IL4I1: variants seen among roughly 807,000 people sequenced by gnomAD.
IL4I1 encodes L-amino-acid oxidase.
IL4I1 carries 24 observed loss-of-function variants against 29.7 expected under a neutral mutation model. That is an observed-to-expected ratio of 0.81 (90% CI 0.59 to 1.14). IL4I1 has a LOEUF of 1.14. IL4I1 is among the 50% of genes most tolerant of loss of function. IL4I1 has a pLI of 0.00. For missense variants in IL4I1, 686 were observed against 785.6 expected (o/e 0.87, Z 1.52); for synonymous variants, 371 against 352.5 (o/e 1.05, Z -0.59).
At chr19:49,908,041 G>T in intron 2 of IL4I1, 1 of 1,206,604 alleles carries the variant, frequency 8.3e-7, no homozygotes, top group Non-Finnish European at 1.1e-6. Context: ...CACCCATGAG[G>T]CTGCTGCCTG....
At chr19:49,891,289 G>A (rs2075135234) in intron 6 of IL4I1, 116 bp downstream of exon 6, 1 of 1,416,406 alleles carries the variant, frequency 7.1e-7, no homozygotes, top group Non-Finnish European at 9.9e-7. Context: ...CCCGGGTCAG[G>A]CAGGAAGGCG....
intron 5 of IL4I1, among the ~76,000 whole-genome samples, chr19:49,893,458 C>T (rs1428363122): frequency 2.0e-5 from 3 of 151,758 alleles, no homozygotes; most frequent in African/African-American, 7.3e-5. Context: ...GTGGGGCCAT[C>T]GTGAGATGGG....
At chr19:49,900,750 A>G (rs898599369), upstream of IL4I1, among the ~76,000 whole-genome samples, 1 of 152,204 alleles carries the variant, frequency 6.6e-6, no homozygotes, top group African/African-American at 2.4e-5. Flanking sequence ...GGCCCAGTCA[A>G]GTATCTGTTG....
intron 2 of IL4I1, among the ~76,000 whole-genome samples, chr19:49,923,444 T>G (rs2075811608): frequency 6.6e-6 from 1 of 152,222 alleles, no homozygotes; most frequent in African/African-American, 2.4e-5. Context: ...AGGAGGGCCC[T>G]GACTTTGCCC....
intron 2 of IL4I1, chr19:49,908,672 A>G (rs2075378250): frequency 1.2e-6 from 2 of 1,612,088 alleles, no homozygotes; most frequent in Non-Finnish European, 1.7e-6. Context: ...CACCTTCTCC[A>G]CCTCGCGGTG....
intron 2 of IL4I1, among the ~76,000 whole-genome samples, chr19:49,923,456 C>T (rs969400355): frequency 6.6e-6 from 1 of 152,158 alleles, no homozygotes; most frequent in East Asian, 1.9e-4. Context: ...ACTTTGCCCT[C>T]GAAGCGTTCG....
chr19:49,909,377 G>A, intron 2 of IL4I1: 2 of 1,613,516 alleles, frequency 1.2e-6, no homozygotes, highest in Non-Finnish European at 1.7e-6. Flanking sequence ...GGTGGTGGAG[G>A]GGCCAAACAC....
intron 1 of IL4I1, chr19:49,928,477 A>AGC (rs1348963149): frequency 6.6e-6 from 1 of 150,808 alleles, no homozygotes; most frequent in East Asian, 2.0e-4. Context: ...AGATCGCGCC[A>AGC]CTGCACTCCA....
chr19:49,909,155 C>T (rs548441756), intron 2 of IL4I1: 2 of 1,613,270 alleles, frequency 1.2e-6, no homozygotes, highest in Admixed American at 1.7e-5. Flanking sequence ...GAGGCTGGGC[C>T]CAGTGCTGGT....
chr19:49,924,440 G>C (rs1454679690), intron 2 of IL4I1, among the ~76,000 whole-genome samples: 1 of 152,176 alleles, frequency 6.6e-6, no homozygotes, highest in Non-Finnish European at 1.5e-5. Context: ...GGGGTCCCCA[G>C]AGAATCCCCG....
intron 3 of IL4I1, among the ~76,000 whole-genome samples, chr19:49,903,539 G>C (rs2075288674): frequency 6.6e-6 from 1 of 152,182 alleles, no homozygotes; most frequent in African/African-American, 2.4e-5. Context: ...CGAGCGTGAG[G>C]GCTTTGCTCC....
At chr19:49,914,553 C>A (rs2075568990) in intron 2 of IL4I1, among the ~76,000 whole-genome samples, 1 of 152,044 alleles carries the variant, frequency 6.6e-6, no homozygotes, top group African/African-American at 2.4e-5. Flanking sequence ...CCTTCACAGC[C>A]CTGGGAACCC....
rs528795017 is a variant in IL4I1, at chr19:49,895,151, G to A, written c.282C>T (p.Ile94=). 6.2e-6 allele frequency: 10 copies of A among 1,613,812 alleles called. No individual in the cohort carries two copies. Among genetic ancestry groups the A allele is most frequent in the Admixed American group, 1.7e-5 (1 of 60,006 alleles). Reference sequence around the variant, plus strand: ...CCCGGTAGGTGAAGATGCGGCCCCCGATCCTGTTATCTGCCTCCAGGATGG... The same window carrying A: ...CCCGGTAGGTGAAGATGCGGCCCCCAATCCTGTTATCTGCCTCCAGGATGG... The part of the protein sequence containing the change: ...KVTILEADNR[I]GGRIFTYRDQ... Residue 94 remains isoleucine (I), a synonymous_variant, in exon 4 of 8, where the codon ATC becomes ATT. Coordinates refer to ENST00000391826, the MANE Select transcript of IL4I1 (RefSeq NM_152899.2).
intron 2 of IL4I1, among the ~76,000 whole-genome samples, chr19:49,904,547 G>T (rs904541009): frequency 6.6e-6 from 1 of 151,966 alleles, no homozygotes; most frequent in Non-Finnish European, 1.5e-5. Flanking sequence ...AGAAAATGCA[G>T]AACTTAAAAT....
chr19:49,924,382 C>G (rs893866672), intron 2 of IL4I1, among the ~76,000 whole-genome samples: 1 of 152,160 alleles, frequency 6.6e-6, no homozygotes, highest in Admixed American at 6.5e-5. Context: ...TGCGGGGGTT[C>G]TCCCTTATCC....
At chr19:49,899,606 G>T (rs1457510020), upstream of IL4I1, among the ~76,000 whole-genome samples, 1 of 151,382 alleles carries the variant, frequency 6.6e-6, no homozygotes, top group Admixed American at 6.6e-5. Flanking sequence ...ACCCAGGCTG[G>T]AGTGTAGTGG....
chr19:49,929,049 G>A (rs964617085), intron 1 of IL4I1: 21 of 152,402 alleles, frequency 1.4e-4, no homozygotes, highest in African/African-American at 4.6e-4. Context: ...CGGACCCTAG[G>A]AGTGGGAAGG....
chr19:49,897,546 G>T (rs2075227533), upstream of IL4I1, among the ~76,000 whole-genome samples: 1 of 152,204 alleles, frequency 6.6e-6, no homozygotes, highest in Admixed American at 6.5e-5. Flanking sequence ...GCCGGAACCT[G>T]GGGTAGTACT....
chr19:49,924,843 C>T (rs1339798503), intron 2 of IL4I1, among the ~76,000 whole-genome samples: 5 of 152,164 alleles, frequency 3.3e-5, no homozygotes, highest in African/African-American at 1.2e-4. Context: ...GACCCAATAG[C>T]TAGAGAGAAA....
Sources: allele counts gnomAD v4.1 joint callset (sites outside exome capture counted in the v4.1 genomes callset), GRCh38; gene constraint gnomAD v4.1.1; transcripts MANE v1.5; gene names NCBI Gene and HGNC (gene_info 2026-07-23, HGNC 2026-07-21).